ZDHHC4: variants seen among roughly 807,000 people sequenced by gnomAD.
ZDHHC4 encodes the protein palmitoyltransferase ZDHHC4.
In ZDHHC4, 42 loss-of-function variants were observed where a neutral mutation model predicts 36.7. That is an observed-to-expected ratio of 1.14 (90% CI 0.89 to 1.48). The LOEUF is 1.48. Ranked by LOEUF, ZDHHC4 falls within the 40% of genes most tolerant of loss-of-function variation. The probability of loss-of-function intolerance (pLI) is 0.00; values close to 1 mark genes in which losing one functional copy is unlikely to be tolerated. For missense variants in ZDHHC4, 457 were observed against 421.5 expected (o/e 1.08, Z -0.74); for synonymous variants, 189 against 166.6 (o/e 1.13, Z -1.03).
intron 5 of ZDHHC4, among the ~76,000 whole-genome samples, chr7:6,582,755 A>G (rs1241423977): frequency 6.6e-6 from 1 of 152,012 alleles, no homozygotes; most frequent in Non-Finnish European, 1.5e-5. Flanking sequence ...TGACCTCGTG[A>G]TCCACCCACC....
chr7:6,579,902 G>C (rs533467431), intron 2 of ZDHHC4, among the ~76,000 whole-genome samples: 6 of 152,094 alleles, frequency 3.9e-5, no homozygotes, highest in African/African-American at 1.4e-4. Flanking sequence ...TTGGGAGGCC[G>C]AGGCAGGTGG....
chr7:6,583,296 C>A lies in ZDHHC4; in HGVS notation c.371-10C>A, dbSNP rs767328805. 1 of 1,613,378 alleles carries A rather than the reference C, an allele frequency of 6.2e-7. No individual in the cohort carries two copies. Among genetic ancestry groups the A allele is most frequent in the African/African-American group, 1.3e-5 (1 of 74,906 alleles). Reference sequence around the variant, plus strand: ...TGCACGAAACTGACATATGTCCTTACTTTTCCCAGGCATTATAACAAAAGC... The same window carrying A: ...TGCACGAAACTGACATATGTCCTTAATTTTCCCAGGCATTATAACAAAAGC... On this transcript the variant is annotated splice_polypyrimidine_tract_variant and intron_variant, in intron 5 of 7. Transcript: ENST00000335965.
At chr7:6,582,581 G>C (rs979754147) in intron 5 of ZDHHC4, among the ~76,000 whole-genome samples, 1 of 152,074 alleles carries the variant, frequency 6.6e-6, no homozygotes, top group Non-Finnish European at 1.5e-5. Context: ...GCAGTGAGGC[G>C]ATCTCAGCTC....
At chr7:6,583,213 T>C (rs1780986089) in intron 5 of ZDHHC4, 93 bp from the exon 6 acceptor site, 2 of 1,340,008 alleles carry the variant, frequency 1.5e-6, no homozygotes, top group Non-Finnish European at 2.1e-6. Flanking sequence ...ATATTAAAGA[T>C]AGCAGTTTCA....
At chr7:6,585,940 C>T (rs1182655653) in intron 7 of ZDHHC4, among the ~76,000 whole-genome samples, 2 of 152,026 alleles carry the variant, frequency 1.3e-5, no homozygotes, top group Non-Finnish European at 2.9e-5. Context: ...CACCTGAGGT[C>T]AGGAGTTCAA....
Position 6,588,938 on chromosome 7 carries a change from G to A in ZDHHC4, c.*28G>A, listed in dbSNP as rs766166073. The A allele has an allele frequency of 1.4e-5, 22 of 1,585,678 alleles. No homozygotes were observed. Among genetic ancestry groups the A allele is most frequent in the Non-Finnish European group, 1.8e-5 (21 of 1,159,400 alleles). On this transcript the variant is annotated 3_prime_UTR_variant, in exon 8 of 8. Coordinates refer to ENST00000335965, the MANE Select transcript of ZDHHC4 (RefSeq NM_001134389.2). ...AGTGTATGACTGCCTTTGAGCTGTA[G>A]TTCCCGTTTATTTACACATGTGGAT...
At chr7:6,582,331 C>T in intron 5 of ZDHHC4, 80 bp downstream of exon 5, 1 of 1,258,314 alleles carries the variant, frequency 7.9e-7, no homozygotes, top group South Asian at 1.8e-5. Context: ...GAGAGGCCCC[C>T]CCTGAGGACT....
At chr7:6,585,649 C>A (rs144401044) in intron 7 of ZDHHC4, among the ~76,000 whole-genome samples, 3,747 of 151,818 alleles carry the variant, frequency 0.025, 159 homozygotes, top group African/African-American at 0.086. Flanking sequence ...TACTAAAATA[C>A]AAAAAAATTA....
Position 6,578,719 on chromosome 7 carries a change from A to G in ZDHHC4, c.-9A>G, listed in dbSNP as rs1178751454. 1 of 152,168 alleles carries G rather than the reference A, an allele frequency of 6.6e-6. No homozygotes were observed. The highest frequency in any genetic ancestry group is 6.6e-5 in the Admixed American group (1 of 15,258). 9.4% of individuals were successfully genotyped at this position (152,168 alleles called of 1,614,324 possible). ...GCTGAAAATTACCCAACCAAGAGAAATGTAGGCTGGGTACCCTGAATCACC... is the reference window on the plus strand; with the variant it reads ...GCTGAAAATTACCCAACCAAGAGAAGTGTAGGCTGGGTACCCTGAATCACC... On this transcript the variant is annotated splice_region_variant and 5_prime_UTR_variant, in exon 2 of 8. Coordinates refer to ENST00000335965, the MANE Select transcript of ZDHHC4 (RefSeq NM_001134389.2).
chr7:6,585,395 G>A, intron 7 of ZDHHC4, 135 bp downstream of exon 7: 1 of 1,261,326 alleles, frequency 7.9e-7, no homozygotes, highest in Non-Finnish European at 1.1e-6. Context: ...AGGCCGAGGT[G>A]GGAGGATCGC....
Position 6,580,626 on chromosome 7 carries a change from G to A in ZDHHC4, c.65G>A (p.Cys22Tyr). 5 of 1,614,122 alleles carry A rather than the reference G, an allele frequency of 3.1e-6. No homozygotes were observed. The African/African-American group carries it at 6.7e-5, about 22-fold the overall frequency. The change falls in exon 3 of 8, where the codon TGC (cysteine) becomes TAC (tyrosine). Residue 22 changes from cysteine (C) to tyrosine (Y), a missense_variant. Cys to Tyr is a radical substitution (Grantham distance 194). Transcript: ENST00000335965. ...GTGCTGATGGGTCTTGTTCTTATCT[G>A]CGTCTGCTCGAAAACCCATAGCTTG... ...ASVLMGLVLI[C>Y]VCSKTHSLKG...
At chr7:6,581,715 T>C in intron 4 of ZDHHC4, 35 bp downstream of exon 4, 1 of 1,506,198 alleles carries the variant, frequency 6.6e-7, no homozygotes, top group Non-Finnish European at 9.2e-7. Context: ...ATTCTCCTCT[T>C]TTCTGCTTTG....
Position 6,581,891 on chromosome 7 carries a change from G to A in ZDHHC4, c.192-182G>A, listed in dbSNP as rs1027090084. On this transcript the variant is annotated intron_variant, in intron 4 of 7. Transcript: ENST00000335965. ...TTTAACTTGCCTACTTTTAAAAAGC[G>A]ATATTTACAGATTGTGAATTTCTGT... Among the ~76,000 whole-genome samples the A allele has an allele frequency of 4.6e-5, 7 of 152,178 alleles. 1 individual carries two copies. In the South Asian group the frequency reaches 6.2e-4, roughly 13 times the overall value.
chr7:6,577,901 C>T (rs1426344137), intron 1 of ZDHHC4, among the ~76,000 whole-genome samples: 1 of 152,180 alleles, frequency 6.6e-6, no homozygotes, highest in Non-Finnish European at 1.5e-5. Context: ...GGCGCGATCT[C>T]GGCTTACTGC....
intron 2 of ZDHHC4, among the ~76,000 whole-genome samples, chr7:6,579,130 A>C (rs1449521594): frequency 1.4e-5 from 2 of 143,698 alleles, no homozygotes; most frequent in Admixed American, 7.1e-5. Flanking sequence ...GGCCAATTCC[A>C]GTACCTTTTT....
chr7:6,585,529 G>C (rs183320140), intron 7 of ZDHHC4, among the ~76,000 whole-genome samples: 1 of 152,286 alleles, frequency 6.6e-6, no homozygotes, highest in Non-Finnish European at 1.5e-5. Flanking sequence ...CCAGGGCCGG[G>C]TGCAGTGGCT....
At chr7:6,584,962 T>C in intron 6 of ZDHHC4, 54 bp from the exon 7 acceptor site, 1 of 1,602,908 alleles carries the variant, frequency 6.2e-7, no homozygotes, top group Non-Finnish European at 8.5e-7. Flanking sequence ...AGGTGTGCGG[T>C]GTCCTTGTCT....
chr7:6,586,633 G>A (rs960755123), intron 7 of ZDHHC4, among the ~76,000 whole-genome samples: 20 of 152,170 alleles, frequency 1.3e-4, no homozygotes, highest in African/African-American at 3.9e-4. Flanking sequence ...GAGCCACCAC[G>A]CCTGGCTAAT....
rs768654059 is a variant in ZDHHC4 at position 6,585,106 on chromosome 7, T to C, written c.587T>C (p.Ile196Thr). Residue 196 changes from isoleucine to threonine, a missense_variant, in exon 7 of 8, where the codon ATC becomes ACC. Coordinates refer to ENST00000335965, the MANE Select transcript of ZDHHC4 (RefSeq NM_001134389.2). Reference protein sequence around the residue: ...IGAWNIRYFLIYVLTLTASAA... With the variant: ...IGAWNIRYFLTYVLTLTASAA... ...GCCTGGAACATCAGGTACTTCCTCA[T>C]CTACGTCTTGACCTTGACGGCCTCG... is the stretch of plus-strand genomic sequence containing the variant. The C allele has an allele frequency of 1.9e-6, 3 of 1,614,156 alleles. No individual in the cohort carries two copies. Among genetic ancestry groups the C allele is most frequent in the East Asian group, 2.2e-5 (1 of 44,876 alleles).
Sources: gnomAD v4.1 joint callset for allele counts (sites outside exome capture counted in the v4.1 genomes callset) on GRCh38, gnomAD v4.1.1 for gene constraint, MANE v1.5 for transcripts, NCBI Gene and HGNC (gene_info 2026-07-23, HGNC 2026-07-21) for gene names.